Variants in EMILIN3 observed in about 807,000 individuals in gnomAD.
EMILIN3 encodes the protein elastin microfibril interfacer 3, also known as EMILIN-3.
Under a neutral mutation model 42.8 loss-of-function variants are expected in EMILIN3, and 38 were observed. The observed-to-expected ratio is 0.89, with a 90% CI of 0.69 to 1.16. The LOEUF is 1.16. EMILIN3 is among the 50% of genes most tolerant of loss of function. The pLI is 0.00. For synonymous variants in EMILIN3, 430 were observed against 440.5 expected (o/e 0.98, Z 0.30); for missense variants, 924 against 999.5 (o/e 0.92, Z 1.02).
rs771645951 is a variant in EMILIN3, at chr20:41,362,788, T to C, written c.781A>G (p.Thr261Ala). 6.2e-7 allele frequency: 1 copy of C among 1,614,054 alleles called. No homozygotes were observed. Among genetic ancestry groups the C allele is most frequent in the South Asian group, 1.1e-5 (1 of 91,074 alleles). ...ILSKVTEVSNTLQTKVQLLDK... is the reference protein window; with the variant it reads ...ILSKVTEVSNALQTKVQLLDK... ...AGAAGCTGCACCTTGGTCTGAAGAG[T>C]GTTGCTCACCTCTGTCACCTTGCTT... The change falls in exon 4 of 4, where the codon ACT (threonine) becomes GCT (alanine). Residue 261 changes from threonine (T) to alanine (A), a missense_variant. Transcript: ENST00000332312.
In EMILIN3 at chr20:41,362,009, C is replaced by T. The variant is rs61739308; in HGVS notation, c.1560G>A (p.Ser520=). Residue 520 remains serine (S), a synonymous_variant, in exon 4 of 4, where the codon TCG becomes TCA. Transcript: ENST00000332312. ...TGGCTGAGGTGGTGCTCGGGGTGCA[C>T]GAAGTCTCCAGTGAGACCAACCGTT... ...LEQRLVSLET[S]CTPSTTSAIL... The T allele has an allele frequency of 0.01, 16,800 of 1,611,496 alleles. 1,576 individuals are homozygous for T. In the African/African-American group the frequency reaches 0.2, roughly 19 times the overall value.
rs781097112 is a variant in EMILIN3, at chr20:41,363,693, C to G, written c.459G>C (p.Gln153His). The G allele has an allele frequency of 1.2e-6, 2 of 1,613,782 alleles. No homozygotes were observed. Among genetic ancestry groups the G allele is most frequent in the Non-Finnish European group, 1.7e-6 (2 of 1,179,974 alleles). The change falls in exon 3 of 4, where the codon CAG (glutamine) becomes CAC (histidine). Residue 153 changes from glutamine (Q) to histidine (H), a missense_variant. By Grantham distance (24) the Gln-to-His change is conservative. Transcript: ENST00000332312. ...AAGGGGGCCTGGGGCCTGGGTCCAG[C>G]TGCCCTGAAGGAATCTGAGGCTCAG... The part of the protein sequence containing the change: ...LEPEPQIPSG[Q>H]LDPGPRPPSY...
Position 41,361,265 on chromosome 20 carries a change from T to C in EMILIN3, c.*3A>G. The C allele has an allele frequency of 1.3e-6, 2 of 1,576,008 alleles. No homozygotes were observed. The highest frequency in any genetic ancestry group is 1.7e-6 in the Non-Finnish European group (2 of 1,153,902). On this transcript the variant is annotated 3_prime_UTR_variant, in exon 4 of 4. Coordinates refer to ENST00000332312, the MANE Select transcript of EMILIN3 (RefSeq NM_052846.2). ...TCTAGGGGTTGGGTCCTGGCCAGCC[T>C]GTCTAGTTGGCTTGCCCTGGCCGCA... is the stretch of plus-strand genomic sequence containing the variant.
Position 41,361,591 on chromosome 20 carries a change from G to C in EMILIN3, c.1978C>G (p.Gln660Glu). The change falls in exon 4 of 4, where the codon CAA (glutamine) becomes GAA (glutamate). Residue 660 changes from glutamine (Q) to glutamate (E), a missense_variant. Coordinates refer to ENST00000332312, the MANE Select transcript of EMILIN3 (RefSeq NM_052846.2). ...ACCTTGGCCACACCAGCCTTGAGTT[G>C]CTCCAGCTCCCCACGCAGGTTCAGG... The part of the protein sequence containing the change: ...QVLNLRGELE[Q>E]LKAGVAKVAS... The C allele has an allele frequency of 6.2e-7, 1 of 1,611,574 alleles. No individual in the cohort carries two copies. Among genetic ancestry groups the C allele is most frequent in the Non-Finnish European group, 8.5e-7 (1 of 1,179,982 alleles).
At chr20:41,365,803 C>G (rs1165223430) in intron 1 of EMILIN3, among the ~76,000 whole-genome samples, 1 of 152,366 alleles carries the variant, frequency 6.6e-6, no homozygotes, top group East Asian at 1.9e-4. Flanking sequence ...TTAACTGAGG[C>G]CAGTTCGCAA....
At chr20:41,364,429 G>A (rs1477893868) in intron 2 of EMILIN3, among the ~76,000 whole-genome samples, 1 of 152,172 alleles carries the variant, frequency 6.6e-6, no homozygotes, top group Non-Finnish European at 1.5e-5. Flanking sequence ...GGAAGGTCCA[G>A]GGTACAGGCA....
Position 41,361,750 on chromosome 20 carries a change from G to T in EMILIN3, c.1819C>A (p.Gln607Lys). The stretch of plus-strand genomic sequence containing the variant: ...GCAGCCAAGAAGGCATCAGAGTACT[G>T]GCTGACAGAGTCACTGAGGCCTGTG... ...SLTGLSDSVSQYSDAFLAANT... is the reference protein window; with the variant it reads ...SLTGLSDSVSKYSDAFLAANT... Residue 607 changes from glutamine (Q) to lysine (K), a missense_variant, in exon 4 of 4, where the codon CAG (glutamine) becomes AAG (lysine). Physicochemically the swap from Gln to Lys is moderately conservative, Grantham distance 53 (BLOSUM62 1). Transcript: ENST00000332312. The T allele has an allele frequency of 6.2e-7, 1 of 1,613,654 alleles. No homozygotes were observed. Among genetic ancestry groups the T allele is most frequent in the Non-Finnish European group, 8.5e-7 (1 of 1,179,992 alleles).
chr20:41,362,155 C>A lies in EMILIN3; in HGVS notation c.1414G>T (p.Glu472Ter). 2 of 1,612,002 alleles carry A rather than the reference C, an allele frequency of 1.2e-6. No individual in the cohort carries two copies. Among genetic ancestry groups the A allele is most frequent in the South Asian group, 2.2e-5 (2 of 90,664 alleles). Reference sequence around the variant, plus strand: ...CGCTCCTCGAGGCTCTGCACGCGCTCTTCCAGCATGGTCCCAAAGCCGCCC... The same window carrying A: ...CGCTCCTCGAGGCTCTGCACGCGCTATTCCAGCATGGTCCCAAAGCCGCCC... ...GVGGFGTMLE[E>*]RVQSLEERLA... The change falls in exon 4 of 4, where the codon GAG becomes TAG. Residue 472 changes from glutamate (E) to a stop codon, truncating the protein, a stop_gained. Coordinates refer to ENST00000332312, the MANE Select transcript of EMILIN3 (RefSeq NM_052846.2). LOFTEE classifies it high-confidence loss of function.
chr20:41,363,618 G>T lies in EMILIN3; in HGVS notation c.514+20C>A. 1.3e-6 allele frequency: 2 copies of T among 1,587,868 alleles called. No homozygotes were observed. Among genetic ancestry groups the T allele is most frequent in the Non-Finnish European group, 8.6e-7 (1 of 1,164,568 alleles). On this transcript the variant is annotated intron_variant, in intron 3 of 3. Coordinates refer to ENST00000332312, the MANE Select transcript of EMILIN3 (RefSeq NM_052846.2). Reference sequence around the variant, plus strand: ...CCAAGAAACCCAATCACCTTGGAGGGTCTCCTTGGGCAGACTCACCATGAG... The same window carrying T: ...CCAAGAAACCCAATCACCTTGGAGGTTCTCCTTGGGCAGACTCACCATGAG...
chr20:41,362,603 C>T lies in EMILIN3; in HGVS notation c.966G>A (p.Lys322=). 6.2e-7 allele frequency: 1 copy of T among 1,602,796 alleles called. No homozygotes were observed. Among genetic ancestry groups the T allele is most frequent in the Non-Finnish European group, 8.5e-7 (1 of 1,179,494 alleles). ...WGSLLDGFEQ[K]LQGVQSECDL... ...CACACTCACTCTGGACGCCTTGCAG[C>T]TTCTGCTCAAAGCCATCCAGCAGGC... Residue 322 remains lysine, a synonymous_variant, in exon 4 of 4, where the codon AAG becomes AAA. Transcript: ENST00000332312.
chr20:41,366,608 CCAGACGAGCAGGCGGCGGCG>C lies in EMILIN3; in HGVS notation c.7_26del (p.Arg3AlafsTer73). 9.2e-7 allele frequency: 1 copy of C among 1,085,916 alleles called. No homozygotes were observed. Among genetic ancestry groups the C allele is most frequent in the Non-Finnish European group, 1.1e-6 (1 of 895,876 alleles). 67.3% of individuals were successfully genotyped at this position (1,085,916 alleles called of 1,614,324 possible). On this transcript the variant is annotated frameshift_variant, in exon 1 of 4. Transcript: ENST00000332312. LOFTEE classifies it high-confidence loss of function. This position sits in a 1 kb window ranked among gnomAD's most constrained non-coding sequence, Gnocchi z 4.2. The stretch of plus-strand genomic sequence containing the variant: ...AGAGCAGCGCCGCGACGGCGCACAG[CCAGACGAGCAGGCGGCGGCG>C]GCCCATAGCGGCCCCCGCGCCTCTG...
chr20:41,365,019 T>A lies in EMILIN3; in HGVS notation c.290+16A>T, dbSNP rs368811066. 5.0e-6 allele frequency: 8 copies of A among 1,613,060 alleles called. No individual in the cohort carries two copies. The African/African-American group carries it at 1.1e-4, about 22-fold the overall frequency. On this transcript the variant is annotated intron_variant, in intron 2 of 3. Transcript: ENST00000332312. ...TGCCAGGGGATTCCAAGTGTGTAGG[T>A]GAGGAGTGCACTTACGTGACTGTCC... is the stretch of plus-strand genomic sequence containing the variant.
intron 1 of EMILIN3, among the ~76,000 whole-genome samples, chr20:41,365,826 G>A (rs971824981): frequency 6.6e-6 from 1 of 152,234 alleles, no homozygotes; most frequent in Non-Finnish European, 1.5e-5. Flanking sequence ...CACTGCCCAC[G>A]AAACACCAGA....
chr20:41,365,519 G>A (rs1255062605), intron 1 of EMILIN3, among the ~76,000 whole-genome samples: 2 of 152,210 alleles, frequency 1.3e-5, no homozygotes, highest in Admixed American at 6.5e-5. Context: ...TAAGGCTTCC[G>A]AGTCCCCACT....
At position 41,362,188 on chromosome 20, in the gene EMILIN3, A is replaced by T; in HGVS notation, c.1381T>A (p.Trp461Arg). 1 of 862,654 alleles carries T rather than the reference A, an allele frequency of 1.2e-6. No homozygotes were observed. Among genetic ancestry groups the T allele is most frequent in the South Asian group, 1.3e-5 (1 of 77,020 alleles). The allele number at this position is 862,654 out of a possible 1,614,324, so 53.4% of individuals were successfully genotyped here. Residue 461 changes from tryptophan (W) to arginine (R), a missense_variant, in exon 4 of 4, where the codon TGG becomes AGG. Physicochemically the swap from Trp to Arg is moderately radical, Grantham distance 101. Transcript: ENST00000332312. Reference protein sequence around the residue: ...GCCLRLDMGGWGVGGFGTMLE... With the variant: ...GCCLRLDMGGRGVGGFGTMLE... ...ATGGTCCCAAAGCCGCCCACTCCCC[A>T]CCCCCCCATGTCCAACCTCAGACAG...
intron 2 of EMILIN3, 132 bp from the exon 3 acceptor site, chr20:41,363,993 G>A (rs2046381565): frequency 1.3e-6 from 1 of 794,826 alleles, no homozygotes; most frequent in African/African-American, 1.7e-5. Context: ...GCACCCCCAG[G>A]GCTGTACTTT....
In EMILIN3 at chr20:41,362,459, G is replaced by A. The variant is rs1286773802; in HGVS notation, c.1110C>T (p.Gly370=). ...ACACGCTCAGGCCCTGCAGCTGGCT[G>A]CCCAGCTGTGACAGCTCCTGGCGCA... ...LALRQELSQL[G]SQLQGLSVSG... is the part of the protein sequence containing the mutation. The change falls in exon 4 of 4, where the codon GGC becomes GGT. Residue 370 remains glycine (G), a synonymous_variant. Coordinates refer to ENST00000332312, the MANE Select transcript of EMILIN3 (RefSeq NM_052846.2). 1.3e-6 allele frequency: 2 copies of A among 1,599,900 alleles called. No individual in the cohort carries two copies. Among genetic ancestry groups the A allele is most frequent in the Admixed American group, 3.3e-5 (2 of 59,950 alleles).
At chr20:41,364,921 G>A in intron 2 of EMILIN3, 114 bp downstream of exon 2, 1 of 1,492,552 alleles carries the variant, frequency 6.7e-7, no homozygotes, top group Non-Finnish European at 9.1e-7. Flanking sequence ...GGGCTCAGGT[G>A]GGCTCTCTGG....
Position 41,361,815 on chromosome 20 carries a change from G to C in EMILIN3, c.1754C>G (p.Thr585Ser), listed in dbSNP as rs1298505998. 2 of 1,613,592 alleles carry C rather than the reference G, an allele frequency of 1.2e-6. No individual in the cohort carries two copies. Among genetic ancestry groups the C allele is most frequent in the Non-Finnish European group, 1.7e-6 (2 of 1,180,040 alleles). ...GTGSSLQGEI[T>S]LLKVNLNSVS... ...TGAGTTCAGATTGACCTTGAGCAGAGTGATCTCGCCTTGAAGTGAGCTGCC... is the reference window on the plus strand; with the variant it reads ...TGAGTTCAGATTGACCTTGAGCAGACTGATCTCGCCTTGAAGTGAGCTGCC... The change falls in exon 4 of 4, where the codon ACT becomes AGT. Residue 585 changes from threonine (T) to serine (S), a missense_variant. Coordinates refer to ENST00000332312, the MANE Select transcript of EMILIN3 (RefSeq NM_052846.2).
Sources: gnomAD v4.1 joint callset for allele counts (sites outside exome capture counted in the v4.1 genomes callset) on GRCh38, gnomAD v4.1.1 for gene constraint, Gnocchi (gnomAD v3.1) non-coding constraint, MANE v1.5 for transcripts, NCBI Gene and HGNC (gene_info 2026-07-23, HGNC 2026-07-21) for gene names.